Variants in SIPA1L3 observed in about 807,000 individuals in gnomAD.
SIPA1L3 encodes signal induced proliferation associated 1 like 3, also known as signal-induced proliferation-associated 1-like protein 3.
SIPA1L3 carries 59 observed loss-of-function variants against 150.1 expected under a neutral mutation model. The observed-to-expected ratio is 0.39, with a 90% CI of 0.32 to 0.49. SIPA1L3 has a LOEUF of 0.49. SIPA1L3 is among the 20% of genes least tolerant of loss of function. SIPA1L3 has a pLI of 0.86. For synonymous variants in SIPA1L3, 1,070 were observed against 1,077.6 expected (o/e 0.99, Z 0.14); for missense variants, 2,211 against 2,489.5 (o/e 0.89, Z 2.38).
intron 13 of SIPA1L3, among the ~76,000 whole-genome samples, chr19:38,157,727 G>T (rs755970220): frequency 1.4e-4 from 22 of 152,230 alleles, no homozygotes; most frequent in Non-Finnish European, 2.9e-4. Context: ...TGAGGGCAGA[G>T]CTGGGGCAGG....
chr19:37,941,853 C>T (rs114271601), intron 1 of SIPA1L3, among the ~76,000 whole-genome samples: 1 of 152,226 alleles, frequency 6.6e-6, no homozygotes, highest in Non-Finnish European at 1.5e-5. Context: ...ATAAAGGGCT[C>T]TACTCCATTG....
chr19:37,986,413 T>C (rs1346651263), intron 1 of SIPA1L3, among the ~76,000 whole-genome samples: 1 of 152,226 alleles, frequency 6.6e-6, no homozygotes, highest in Non-Finnish European at 1.5e-5. Context: ...TGCATTCGAC[T>C]TCTGTTTCTC....
intron 1 of SIPA1L3, among the ~76,000 whole-genome samples, chr19:37,918,439 T>G (rs1409984627): frequency 6.6e-6 from 1 of 151,830 alleles, no homozygotes; most frequent in Non-Finnish European, 1.5e-5. Context: ...TTTGTATTTT[T>G]AGTAGAGATG....
intron 6 of SIPA1L3, among the ~76,000 whole-genome samples, chr19:38,105,839 A>G (rs1970611247): frequency 6.6e-6 from 1 of 152,186 alleles, no homozygotes; most frequent in African/African-American, 2.4e-5. Flanking sequence ...TCTTGTACCC[A>G]TATCCCAGGA....
chr19:38,104,567 GGTTTTTTT>G (rs941362983), intron 6 of SIPA1L3, among the ~76,000 whole-genome samples: 19 of 152,082 alleles, frequency 1.2e-4, no homozygotes, highest in African/African-American at 2.4e-4. Context: ...TGTTAGTATT[GGTTTTTTT>G]GTTTTTTTGT....
At chr19:37,939,762 C>A (rs2046636175) in intron 1 of SIPA1L3, among the ~76,000 whole-genome samples, 1 of 152,180 alleles carries the variant, frequency 6.6e-6, no homozygotes, top group African/African-American at 2.4e-5. Context: ...GTTTTATTTC[C>A]CATGGCCTTA....
At chr19:38,166,398 A>G (rs1189706563) in intron 15 of SIPA1L3, among the ~76,000 whole-genome samples, 3 of 151,530 alleles carry the variant, frequency 2.0e-5, no homozygotes, top group Non-Finnish European at 2.9e-5. Flanking sequence ...CAGAGGTTGC[A>G]GTGAGCCGAG....
At chr19:38,165,744 C>G (rs150327364) in intron 15 of SIPA1L3, among the ~76,000 whole-genome samples, 1 of 152,186 alleles carries the variant, frequency 6.6e-6, no homozygotes, top group South Asian at 2.1e-4. Context: ...AGCGGGAGAC[C>G]TGAGAACGTG....
intron 2 of SIPA1L3, among the ~76,000 whole-genome samples, chr19:38,079,559 A>ATT (rs35759392): frequency 0.16 from 21,967 of 141,408 alleles, 1,734 homozygotes; most frequent in East Asian, 0.2. Context: ...GTTTTTGGGG[A>ATT]TTTTTTTTTT....
chr19:38,109,632 A>C (rs1600083357), intron 7 of SIPA1L3: 1 of 152,566 alleles, frequency 6.6e-6, no homozygotes, highest in South Asian at 2.1e-4. Flanking sequence ...CAAGTTGAAG[A>C]CCACCAGCCT....
At position 38,098,901 on chromosome 19, in the gene SIPA1L3, C is replaced by T. The variant is rs191667332; in HGVS notation, c.1666-1061C>T. 2.8e-3 allele frequency among the ~76,000 whole-genome samples: 428 copies of T among 152,354 alleles called. 1 individual carries two copies. The highest frequency in any genetic ancestry group is 5.1e-3 in the Non-Finnish European group (348 of 68,038). ...ATGCCATGTATGCAAACATGCATGTCTGGCCCCATCCCAGACCAACCAAAT... is the reference window on the plus strand; with the variant it reads ...ATGCCATGTATGCAAACATGCATGTTTGGCCCCATCCCAGACCAACCAAAT... On this transcript the variant is annotated intron_variant, in intron 4 of 21. Coordinates refer to ENST00000222345, the MANE Select transcript of SIPA1L3 (RefSeq NM_015073.3).
intron 2 of SIPA1L3, among the ~76,000 whole-genome samples, chr19:38,078,322 G>T (rs1473085398): frequency 6.6e-6 from 1 of 152,144 alleles, no homozygotes; most frequent in Non-Finnish European, 1.5e-5. Flanking sequence ...AGAGGCTTCA[G>T]GCTCCCCTTG....
chr19:38,107,853 T>C (rs1049333050), intron 7 of SIPA1L3, among the ~76,000 whole-genome samples: 27 of 152,026 alleles, frequency 1.8e-4, no homozygotes, highest in Non-Finnish European at 4.4e-5. Flanking sequence ...GGCGTGTGCC[T>C]ATAGTCCCAG....
At position 38,119,861 on chromosome 19, in the gene SIPA1L3, G is replaced by A. The variant is rs1035483541; in HGVS notation, c.2847G>A (p.Arg949=). ...CAGAGGGTTCTGTGGAGGACATAAG[G>A]GAGATAGTGCAGAGACTGAAGGTAA... ...QATEGSVEDI[R]EIVQRLKVMT... The change falls in exon 9 of 22, where the codon AGG becomes AGA. Residue 949 remains arginine (R), a synonymous_variant. Coordinates refer to ENST00000222345, the MANE Select transcript of SIPA1L3 (RefSeq NM_015073.3). 1.2e-6 allele frequency: 2 copies of A among 1,610,912 alleles called. No individual in the cohort carries two copies. Among genetic ancestry groups the A allele is most frequent in the Non-Finnish European group, 1.7e-6 (2 of 1,179,302 alleles).
chr19:37,958,167 C>T (rs903742766), intron 1 of SIPA1L3, among the ~76,000 whole-genome samples: 4 of 152,048 alleles, frequency 2.6e-5, no homozygotes, highest in Admixed American at 6.6e-5. Flanking sequence ...GGCATGGTGG[C>T]TCATGCCTGC....
At chr19:38,205,549 C>G (rs531444639) in intron 21 of SIPA1L3, among the ~76,000 whole-genome samples, 1 of 151,790 alleles carries the variant, frequency 6.6e-6, no homozygotes. Context: ...GTATATAATG[C>G]GTAAGTCTTC....
intron 1 of SIPA1L3, among the ~76,000 whole-genome samples, chr19:38,025,120 A>T (rs1020592072): frequency 1.3e-5 from 2 of 152,174 alleles, no homozygotes; most frequent in Non-Finnish European, 2.9e-5. Context: ...AAATTGCAGC[A>T]AAATGTCCAG....
chr19:37,927,912 A>G (rs1294734019), intron 1 of SIPA1L3, among the ~76,000 whole-genome samples: 1 of 152,058 alleles, frequency 6.6e-6, no homozygotes, highest in Admixed American at 6.6e-5. Context: ...ATTCCATGGT[A>G]TATATGTACC....
At chr19:38,042,381 G>A (rs1040449330) in intron 2 of SIPA1L3, among the ~76,000 whole-genome samples, 3 of 152,208 alleles carry the variant, frequency 2.0e-5, no homozygotes, top group African/African-American at 7.2e-5. Context: ...ATCAGGAAGT[G>A]TGATGCCTCC....
Sources: allele counts gnomAD v4.1 joint callset (sites outside exome capture counted in the v4.1 genomes callset), GRCh38; gene constraint gnomAD v4.1.1; transcripts MANE v1.5; gene names NCBI Gene and HGNC (gene_info 2026-07-23, HGNC 2026-07-21).